Variants in ME3 observed in about 807,000 individuals in gnomAD.
ME3 encodes NADP-dependent malic enzyme, mitochondrial.
A neutral mutation model predicts 68.9 loss-of-function variants in ME3; 48 were observed. The observed-to-expected ratio is 0.70, with a 90% CI of 0.55 to 0.89. The LOEUF (loss-of-function observed/expected upper bound fraction) is 0.89, where lower values mean the gene tolerates loss of function less well. Among genes scored for constraint, ME3 ranks in the 40% least tolerant of loss-of-function variants. The pLI is 0.00. For missense variants in ME3, 675 were observed against 797.4 expected (o/e 0.85, Z 1.85); for synonymous variants, 320 against 318.8 (o/e 1.00, Z -0.04).
At chr11:86,456,216 C>T (rs1949914903) in intron 8 of ME3, among the ~76,000 whole-genome samples, 3 of 152,180 alleles carry the variant, frequency 2.0e-5, no homozygotes, top group Admixed American at 1.3e-4. Flanking sequence ...TTCTGCTCAT[C>T]GGAGTCTGTT....
Position 86,525,988 on chromosome 11 carries a change from G to A in ME3, c.468-17121C>T, listed in dbSNP as rs540472989. 3.7e-3 allele frequency among the ~76,000 whole-genome samples: 560 copies of A among 152,318 alleles called. 4 individuals are homozygous for A. Among genetic ancestry groups the A allele is most frequent in the Non-Finnish European group, 6.2e-3 (423 of 68,024 alleles). On this transcript the variant is annotated intron_variant, in intron 4 of 14. Coordinates refer to ENST00000543262, the Ensembl canonical transcript of ME3. Reference sequence around the variant, plus strand: ...TCTGCATTTCCAACTGAGGTACCGAGTTCATCTCACTGGGGAGTGTCAGAA... The same window carrying A: ...TCTGCATTTCCAACTGAGGTACCGAATTCATCTCACTGGGGAGTGTCAGAA...
At chr11:86,486,242 A>G (rs1282426274) in intron 7 of ME3, among the ~76,000 whole-genome samples, 3 of 152,198 alleles carry the variant, frequency 2.0e-5, no homozygotes, top group Admixed American at 6.5e-5. Flanking sequence ...CCTACAGTCC[A>G]TCATTCATTT....
At chr11:86,571,147 A>G (rs1481091540) in intron 2 of ME3, among the ~76,000 whole-genome samples, 1 of 152,232 alleles carries the variant, frequency 6.6e-6, no homozygotes. Context: ...TTTCCCTGCA[A>G]GATGATAAGT....
chr11:86,446,902 C>T, intron 12 of ME3, 163 bp downstream of exon 12: 1 of 983,134 alleles, frequency 1.0e-6, no homozygotes, highest in Non-Finnish European at 1.5e-6. Context: ...TGACAGCCAG[C>T]TCCACTCCTT....
At chr11:86,603,419 G>A (rs969994056) in intron 2 of ME3, among the ~76,000 whole-genome samples, 1 of 152,296 alleles carries the variant, frequency 6.6e-6, no homozygotes, top group East Asian at 1.9e-4. Flanking sequence ...ACACCAGTTA[G>A]AATGGCAATC....
At chr11:86,668,472 G>A (rs887378561) in intron 2 of ME3, among the ~76,000 whole-genome samples, 1 of 152,094 alleles carries the variant, frequency 6.6e-6, no homozygotes, top group Non-Finnish European at 1.5e-5. Flanking sequence ...CTCATAGTCT[G>A]AACAATTCCA....
At chr11:86,653,761 G>A (rs1182674739) in intron 2 of ME3, among the ~76,000 whole-genome samples, 2 of 152,198 alleles carry the variant, frequency 1.3e-5, no homozygotes, top group African/African-American at 4.8e-5. Context: ...TGAACTGAAG[G>A]AGAGAGCGAC....
rs535856131 is a variant in ME3 at position 86,487,387 on chromosome 11, C to T, written c.759G>A (p.Gly253=). 50 of 1,614,206 alleles carry T rather than the reference C, an allele frequency of 3.1e-5. 1 individual carries two copies. The South Asian group carries it at 4.1e-4, about 13-fold the overall frequency. ...CATCCAGCAAGTCATCGTATGCCTT[C>T]CCGTGCACGCGCTGGTGTTTCAGGC... The change falls in exon 7 of 15, where the codon GGG becomes GGA. Residue 253 remains glycine (G), a synonymous_variant. Transcript: ENST00000543262.
At chr11:86,567,529 C>G (rs1242591071) in intron 2 of ME3, among the ~76,000 whole-genome samples, 1 of 152,108 alleles carries the variant, frequency 6.6e-6, no homozygotes, top group Admixed American at 6.5e-5. Flanking sequence ...TTAGGGAGGC[C>G]CAGGTATCTA....
At chr11:86,553,641 C>G (rs1452438728) in intron 4 of ME3, among the ~76,000 whole-genome samples, 1 of 152,178 alleles carries the variant, frequency 6.6e-6, no homozygotes. Flanking sequence ...ACAACGTATT[C>G]GAGAAGTCTG....
At chr11:86,533,850 A>C (rs1192105575) in intron 4 of ME3, among the ~76,000 whole-genome samples, 1 of 152,190 alleles carries the variant, frequency 6.6e-6, no homozygotes, top group Non-Finnish European at 1.5e-5. Flanking sequence ...GGTATAGCCT[A>C]TTACACACCT....
chr11:86,556,170 A>G (rs1315343494), intron 4 of ME3, among the ~76,000 whole-genome samples: 1 of 152,218 alleles, frequency 6.6e-6, no homozygotes, highest in Admixed American at 6.5e-5. Context: ...TTTGGTATCC[A>G]ACACTCCATT....
chr11:86,472,909 TAC>T (rs1222647854), intron 7 of ME3, among the ~76,000 whole-genome samples: 1 of 152,194 alleles, frequency 6.6e-6, no homozygotes, highest in East Asian at 1.9e-4. Context: ...AAGGCAAACT[TAC>T]TTGATAAGGC....
At chr11:86,668,371 A>T (rs139709126) in intron 2 of ME3, 11 of 152,148 alleles carry the variant, frequency 7.2e-5, no homozygotes, top group Admixed American at 3.3e-4. Context: ...ACTTCAATGC[A>T]TTTGCTATTT....
At chr11:86,625,643 G>T (rs1050987579) in intron 2 of ME3, among the ~76,000 whole-genome samples, 3 of 152,170 alleles carry the variant, frequency 2.0e-5, no homozygotes, top group African/African-American at 7.2e-5. Context: ...CTTGTGCCAG[G>T]CACAGGGGAT....
chr11:86,613,276 A>T (rs1224631450), intron 2 of ME3, among the ~76,000 whole-genome samples: 1 of 151,918 alleles, frequency 6.6e-6, no homozygotes, highest in Non-Finnish European at 1.5e-5. Context: ...GTGTCCCTTT[A>T]TGTTAAAAAC....
chr11:86,472,794 T>A (rs1353100790), intron 7 of ME3, among the ~76,000 whole-genome samples: 1 of 152,138 alleles, frequency 6.6e-6, no homozygotes, highest in Non-Finnish European at 1.5e-5. Context: ...AGGACAGGAT[T>A]TAATAATAGA....
intron 2 of ME3, among the ~76,000 whole-genome samples, chr11:86,642,970 T>G (rs987022498): frequency 2.0e-5 from 3 of 150,568 alleles, no homozygotes; most frequent in Non-Finnish European, 4.4e-5. Context: ...AAATTTATGA[T>G]GGATAAATAT....
At chr11:86,537,790 A>G (rs1029594642) in intron 4 of ME3, among the ~76,000 whole-genome samples, 12 of 152,316 alleles carry the variant, frequency 7.9e-5, no homozygotes, top group African/African-American at 2.9e-4. Context: ...CACAAGTAAC[A>G]TCTGTATTGG....
Sources: gnomAD v4.1 joint callset for allele counts (sites outside exome capture counted in the v4.1 genomes callset) on GRCh38, gnomAD v4.1.1 for gene constraint, MANE v1.5 for transcripts, NCBI Gene and HGNC (gene_info 2026-07-23, HGNC 2026-07-21) for gene names.